TNS3: variants seen among roughly 807,000 people sequenced by gnomAD.
The protein encoded by TNS3 is tensin 3, also known as tensin-3.
In TNS3, 45 loss-of-function variants were observed where a neutral mutation model predicts 140.9. That is an observed-to-expected ratio of 0.32 (90% CI 0.25 to 0.41). TNS3 has a LOEUF of 0.41. Ranked by LOEUF, TNS3 falls within the 10% of genes least tolerant of loss-of-function variation. The pLI, the probability that TNS3 is intolerant of heterozygous loss-of-function variation, is 1.00. For missense variants in TNS3, 1,716 were observed against 1,906.7 expected (o/e 0.90, Z 1.86); for synonymous variants, 815 against 788.4 (o/e 1.03, Z -0.56).
chr7:47,464,732 T>A (rs1026026761), intron 4 of TNS3, among the ~76,000 whole-genome samples: 5 of 152,188 alleles, frequency 3.3e-5, no homozygotes, highest in African/African-American at 9.7e-5. Flanking sequence ...TGCATCAGTG[T>A]GGTTTATACT....
At chr7:47,501,798 C>T (rs1012535454) in intron 3 of TNS3, among the ~76,000 whole-genome samples, 6 of 152,130 alleles carry the variant, frequency 3.9e-5, no homozygotes, top group African/African-American at 1.4e-4. Context: ...CAAGATGCCA[C>T]GGATGTATGA....
At position 47,415,119 on chromosome 7, in the gene TNS3, G is replaced by A; in HGVS notation, c.561C>T (p.Gly187=). Residue 187 remains glycine (G), a synonymous_variant, in exon 11 of 31, where the codon GGC becomes GGT. Coordinates refer to ENST00000311160, the MANE Select transcript of TNS3 (RefSeq NM_022748.12). The part of the protein sequence containing the change: ...PLFLHFVILH[G]TPNFDTGGVC... ...CTCCACCTGTGTCGAAGTTGGGGGT[G>A]CCGTGGAGGATGACAAAATGCAGGA... 1 of 1,612,208 alleles carries A rather than the reference G, an allele frequency of 6.2e-7. No individual in the cohort carries two copies. The highest frequency in any genetic ancestry group is 8.5e-7 in the Non-Finnish European group (1 of 1,179,264).
chr7:47,307,872 G>C (rs146419116), intron 20 of TNS3, among the ~76,000 whole-genome samples: 56 of 151,904 alleles, frequency 3.7e-4, no homozygotes, highest in African/African-American at 1.2e-3. Context: ...TATATGATTT[G>C]CAAATATTTC....
chr7:47,542,879 G>A lies in TNS3; in HGVS notation c.-264-13732C>T, dbSNP rs150956101. Among the ~76,000 whole-genome samples the A allele has an allele frequency of 8.7e-3, 1,282 of 147,138 alleles. 18 individuals carry two copies. The highest frequency in any genetic ancestry group is 0.03 in the African/African-American group (1,212 of 39,882). Reference sequence around the variant, plus strand: ...CAGGAGGCAGAGGTTGCAGTGAGCCGAGATCACGCCATTGCACTCCAACCA... The same window carrying A: ...CAGGAGGCAGAGGTTGCAGTGAGCCAAGATCACGCCATTGCACTCCAACCA... On this transcript the variant is annotated intron_variant, in intron 1 of 30. Transcript: ENST00000311160.
chr7:47,542,217 TC>T (rs2151967005), intron 1 of TNS3, among the ~76,000 whole-genome samples: 1 of 152,274 alleles, frequency 6.6e-6, no homozygotes, highest in South Asian at 2.1e-4. Context: ...CTCCACCTAA[TC>T]AAGGGGTCAA....
In TNS3 at chr7:47,304,718, C is replaced by T; in HGVS notation, c.2822+114G>A. ...CGCCCCATCTTCAGGCCAGTCCCTG[C>T]CTGGTCTAGCTTCAGCTTCTCTGAA... On this transcript the variant is annotated intron_variant, in intron 21 of 30. Transcript: ENST00000311160. The T allele has an allele frequency of 4.5e-6, 5 of 1,109,294 alleles. No homozygotes were observed. The South Asian group carries it at 2.0e-4, about 45-fold the overall frequency. 68.7% of individuals were successfully genotyped at this position (1,109,294 alleles called of 1,614,324 possible).
At chr7:47,362,158 C>A (rs1790372175) in intron 17 of TNS3, among the ~76,000 whole-genome samples, 1 of 152,172 alleles carries the variant, frequency 6.6e-6, no homozygotes, top group African/African-American at 2.4e-5. Context: ...CAGCAGAAGT[C>A]AGACCAGAGT....
chr7:47,336,421 C>G (rs1158176666), intron 20 of TNS3, among the ~76,000 whole-genome samples: 1 of 152,246 alleles, frequency 6.6e-6, no homozygotes, highest in African/African-American at 2.4e-5. Flanking sequence ...TTTGGGCATT[C>G]ATCCCCCTTG....
At chr7:47,424,220 G>A (rs985892807) in intron 9 of TNS3, 36 bp from the exon 10 acceptor site, 1 of 1,609,032 alleles carries the variant, frequency 6.2e-7, no homozygotes, top group Admixed American at 1.7e-5. Context: ...AGTTAACTCA[G>A]TGGAGCCCAC....
Position 47,283,763 on chromosome 7 carries a change from G to A in TNS3, c.4031C>T (p.Pro1344Leu). 1 of 1,611,890 alleles carries A rather than the reference G, an allele frequency of 6.2e-7. No homozygotes were observed. The highest frequency in any genetic ancestry group is 8.5e-7 in the Non-Finnish European group (1 of 1,178,980). The part of the protein sequence containing the change: ...LSITLVQEPP[P>L]VSTVVHFKVS... ...CTTGAAGTGCACAACTGTGGACACA[G>A]GTGGAGGCTCCTGGACCAGGGTGAT... The change falls in exon 28 of 31, where the codon CCT becomes CTT. Residue 1344 changes from proline (P) to leucine (L), a missense_variant. By Grantham distance (98) the Pro-to-Leu change is moderately conservative. This residue lies in a region of TNS3 where 216 missense variants were observed against 295.7 expected (regional missense o/e 0.73). Transcript: ENST00000311160.
chr7:47,581,327 C>T (rs1401300221), intron 1 of TNS3: 1 of 151,032 alleles, frequency 6.6e-6, no homozygotes, highest in South Asian at 2.1e-4. Context: ...ACCCCCCACC[C>T]CAGAATATCC....
At chr7:47,338,191 T>A (rs917724324) in intron 20 of TNS3, among the ~76,000 whole-genome samples, 11 of 152,224 alleles carry the variant, frequency 7.2e-5, no homozygotes, top group African/African-American at 2.7e-4. Flanking sequence ...TAAGTCTATT[T>A]CTTTGGGATA....
intron 28 of TNS3, among the ~76,000 whole-genome samples, chr7:47,282,729 G>A (rs1054005952): frequency 1.3e-5 from 2 of 152,144 alleles, no homozygotes; most frequent in African/African-American, 4.8e-5. Flanking sequence ...GCACTGAACG[G>A]GTCTGACCAG....
chr7:47,313,220 G>A (rs1003446841), intron 20 of TNS3, among the ~76,000 whole-genome samples: 2 of 152,166 alleles, frequency 1.3e-5, no homozygotes, highest in African/African-American at 4.8e-5. Context: ...CCACCTCATG[G>A]GTTCTTTGCT....
chr7:47,527,179 G>C (rs566869040), intron 2 of TNS3, among the ~76,000 whole-genome samples: 1 of 152,300 alleles, frequency 6.6e-6, no homozygotes, highest in Non-Finnish European at 1.5e-5. Context: ...AGAGCTTGCA[G>C]TGAGCCGAGA....
intron 1 of TNS3, among the ~76,000 whole-genome samples, chr7:47,581,126 G>T (rs1222227833): frequency 1.3e-5 from 2 of 151,918 alleles, no homozygotes; most frequent in Non-Finnish European, 1.5e-5. Context: ...AGGAACGCCT[G>T]AATCTCTTCC....
intron 1 of TNS3, among the ~76,000 whole-genome samples, chr7:47,536,300 CGGGG>C (rs1422821313): frequency 1.3e-5 from 2 of 151,278 alleles, no homozygotes; most frequent in Admixed American, 1.3e-4. Flanking sequence ...CTGAACCTAG[CGGGG>C]AGCCAACCAG....
At chr7:47,358,110 A>C (rs1285243369) in intron 17 of TNS3, among the ~76,000 whole-genome samples, 1 of 150,054 alleles carries the variant, frequency 6.7e-6, no homozygotes, top group Non-Finnish European at 1.5e-5. Context: ...ACCCCCCATC[A>C]CGTGACCTTA....
chr7:47,291,849 C>G lies in TNS3; in HGVS notation c.3928+106G>C, dbSNP rs1785723200. The G allele has an allele frequency of 4.0e-6, 5 of 1,265,108 alleles. No homozygotes were observed. In the African/African-American group the frequency reaches 7.5e-5, roughly 19 times the overall value. The allele number at this position is 1,265,108 out of a possible 1,614,324, so 78.4% of individuals were successfully genotyped here. On this transcript the variant is annotated intron_variant, in intron 27 of 30. Transcript: ENST00000311160. The stretch of plus-strand genomic sequence containing the variant: ...AAAAGGAAACCTCCTTCAAGGCTCA[C>G]AGAAAAGAAAGGAAACCTGAATACT...
Sources: gnomAD v4.1 joint callset for allele counts (sites outside exome capture counted in the v4.1 genomes callset) on GRCh38, gnomAD v4.1.1 for gene constraint, gnomAD v4.1.1 regional missense constraint, MANE v1.5 for transcripts, NCBI Gene and HGNC (gene_info 2026-07-23, HGNC 2026-07-21) for gene names.